Variants in FAM114A1 observed in about 807,000 individuals in gnomAD.
FAM114A1 encodes the protein protein NOXP20.
In FAM114A1, 62 loss-of-function variants were observed where a neutral mutation model predicts 64.3. The observed-to-expected ratio is 0.96, with a 90% CI of 0.79 to 1.19. FAM114A1 has a LOEUF of 1.19. FAM114A1 is among the 50% of genes most tolerant of loss of function. FAM114A1 has a pLI of 0.00. For missense variants in FAM114A1, 645 were observed against 676.3 expected (o/e 0.95, Z 0.51); for synonymous variants, 254 against 251.1 (o/e 1.01, Z -0.11).
At chr4:38,933,513 G>T (rs998348484) in intron 12 of FAM114A1, among the ~76,000 whole-genome samples, 1 of 152,166 alleles carries the variant, frequency 6.6e-6, no homozygotes, top group African/African-American at 2.4e-5. Flanking sequence ...GTGCATGTAT[G>T]TGTTGTCCTA....
At chr4:38,911,260 G>A (rs933598491) in intron 7 of FAM114A1, among the ~76,000 whole-genome samples, 1 of 152,206 alleles carries the variant, frequency 6.6e-6, no homozygotes, top group African/African-American at 2.4e-5. Flanking sequence ...ACTGCAGTGC[G>A]GCATGGGAAA....
rs16994955 is a variant in FAM114A1 at position 38,941,469 on chromosome 4, C to T, written c.1590+448C>T. Among the ~76,000 whole-genome samples the T allele has an allele frequency of 4.3e-3, 651 of 152,314 alleles. 3 individuals are homozygous for T. The highest frequency in any genetic ancestry group is 0.015 in the African/African-American group (635 of 41,564). ...TGACAAGGAGAATGTTTAGCCTATG[C>T]CCAGTCAATGACAAGGGACACCATC... is the stretch of plus-strand genomic sequence containing the variant. On this transcript the variant is annotated intron_variant, in intron 14 of 14. Transcript: ENST00000358869.
chr4:38,891,902 T>C, intron 4 of FAM114A1, 72 bp downstream of exon 4: 1 of 1,381,524 alleles, frequency 7.2e-7, no homozygotes, highest in South Asian at 1.4e-5. Context: ...TTGATCGTAC[T>C]GTATACTAAT....
chr4:38,902,770 G>T (rs1717633741), intron 4 of FAM114A1, among the ~76,000 whole-genome samples: 1 of 152,036 alleles, frequency 6.6e-6, no homozygotes, highest in African/African-American at 2.4e-5. Context: ...GTACCCTATA[G>T]TATTATTCAT....
intron 12 of FAM114A1, 81 bp downstream of exon 12, chr4:38,932,455 C>T (rs1720732915): frequency 4.6e-6 from 6 of 1,314,166 alleles, no homozygotes; most frequent in Admixed American, 3.0e-5. Context: ...CACACCCACA[C>T]CCTCTAAGCC....
Position 38,917,323 on chromosome 4 carries a change from G to A in FAM114A1, c.945+2250G>A, listed in dbSNP as rs527428037. Among the ~76,000 whole-genome samples the A allele has an allele frequency of 3.3e-5, 5 of 150,914 alleles. No homozygotes were observed. In the East Asian group the frequency reaches 9.8e-4, roughly 30 times the overall value. ...ACTGCGTTCTGGCCTGGGCGACAGAGCAAGACTCTGTCTCAAAAAAAAAAA... is the reference window on the plus strand; with the variant it reads ...ACTGCGTTCTGGCCTGGGCGACAGAACAAGACTCTGTCTCAAAAAAAAAAA... On this transcript the variant is annotated intron_variant, in intron 8 of 14. Transcript: ENST00000358869.
At chr4:38,919,441 G>A (rs893266502) in intron 8 of FAM114A1, among the ~76,000 whole-genome samples, 15 of 152,154 alleles carry the variant, frequency 9.9e-5, no homozygotes, top group East Asian at 1.9e-4. Flanking sequence ...TAGCTATCCC[G>A]TGGGCTGAGG....
Position 38,945,672 on chromosome 4 carries a change from A to G in FAM114A1, c.*2115A>G, listed in dbSNP as rs1371130459. 1.3e-5 allele frequency: 2 copies of G among 152,258 alleles called. No homozygotes were observed. The highest frequency in any genetic ancestry group is 2.4e-5 in the African/African-American group (1 of 41,468). The allele number at this position is 152,258 out of a possible 1,614,324, so 9.4% of individuals were successfully genotyped here. ...CTCCTGAAACATCCAAATAGAGAACATAAGAACACTTTATGTACAATCTGG... is the reference window on the plus strand; with the variant it reads ...CTCCTGAAACATCCAAATAGAGAACGTAAGAACACTTTATGTACAATCTGG... On this transcript the variant is annotated 3_prime_UTR_variant, in exon 15 of 15. Coordinates refer to ENST00000358869, the MANE Select transcript of FAM114A1 (RefSeq NM_138389.4).
At chr4:38,934,422 G>C (rs1001105939) in intron 12 of FAM114A1, among the ~76,000 whole-genome samples, 2 of 152,122 alleles carry the variant, frequency 1.3e-5, no homozygotes, top group African/African-American at 2.4e-5. Context: ...TGGGTGGATG[G>C]ATGGGTGGAT....
intron 9 of FAM114A1, among the ~76,000 whole-genome samples, chr4:38,925,583 A>T (rs1720028851): frequency 6.6e-6 from 1 of 152,226 alleles, no homozygotes; most frequent in African/African-American, 2.4e-5. Context: ...GTAATAAACT[A>T]TCATTTTTTA....
At chr4:38,924,491 C>T (rs1719921488) in intron 9 of FAM114A1, among the ~76,000 whole-genome samples, 1 of 152,114 alleles carries the variant, frequency 6.6e-6, no homozygotes, top group African/African-American at 2.4e-5. Flanking sequence ...ATGTTCAGGG[C>T]GAAATTATTC....
chr4:38,939,360 C>G (rs1276503782), intron 13 of FAM114A1, among the ~76,000 whole-genome samples: 1 of 152,166 alleles, frequency 6.6e-6, no homozygotes, highest in East Asian at 1.9e-4. Flanking sequence ...TTTCTGTTCT[C>G]TAAAGCAGCC....
At chr4:38,897,246 G>A (rs1327145889) in intron 4 of FAM114A1, among the ~76,000 whole-genome samples, 2 of 152,148 alleles carry the variant, frequency 1.3e-5, no homozygotes, top group Non-Finnish European at 2.9e-5. Flanking sequence ...ATGGAAAAAC[G>A]TGGGTGAAAA....
At chr4:38,886,555 C>T (rs922843372) in intron 3 of FAM114A1, among the ~76,000 whole-genome samples, 6 of 151,980 alleles carry the variant, frequency 3.9e-5, no homozygotes, top group Non-Finnish European at 8.8e-5. Flanking sequence ...TTGTTCATGT[C>T]GTGATTTTCA....
At position 38,905,637 on chromosome 4, in the gene FAM114A1, T is replaced by A; in HGVS notation, c.550+2T>A. 1 of 1,613,100 alleles carries A rather than the reference T, an allele frequency of 6.2e-7. No individual in the cohort carries two copies. Among genetic ancestry groups the A allele is most frequent in the Non-Finnish European group, 8.5e-7 (1 of 1,179,194 alleles). ...ATACTGAAAACGGAGTCCCTGAAAGTGAGTGATGTGTCTCCTCTGGGTGTT... is the reference window on the plus strand; with the variant it reads ...ATACTGAAAACGGAGTCCCTGAAAGAGAGTGATGTGTCTCCTCTGGGTGTT... On this transcript the variant is annotated splice_donor_variant, in intron 5 of 14. Transcript: ENST00000358869. LOFTEE classifies it high-confidence loss of function.
At chr4:38,908,751 T>C (rs1484316173) in intron 7 of FAM114A1, 25 bp downstream of exon 7, 1 of 1,519,294 alleles carries the variant, frequency 6.6e-7, no homozygotes, top group Non-Finnish European at 8.9e-7. Context: ...GTTTGCAATT[T>C]TTTCTTTCAG....
In FAM114A1 at chr4:38,893,304, G is replaced by C. The variant is rs1256023181; in HGVS notation, c.436+1474G>C. ...TAAAAGATTGTTTTAATTGGAATAA[G>C]TCATGAAAAAGTAAATAATATGGTC... On this transcript the variant is annotated intron_variant, in intron 4 of 14. Coordinates refer to ENST00000358869, the MANE Select transcript of FAM114A1 (RefSeq NM_138389.4). Among the ~76,000 whole-genome samples the C allele has an allele frequency of 2.0e-5, 3 of 152,336 alleles. No individual in the cohort carries two copies. The Middle Eastern group carries it at 0.01, about 518-fold the overall frequency.
At chr4:38,901,189 G>A (rs1448496473) in intron 4 of FAM114A1, among the ~76,000 whole-genome samples, 1 of 152,180 alleles carries the variant, frequency 6.6e-6, no homozygotes, top group African/African-American at 2.4e-5. Flanking sequence ...ATAGGAAGTA[G>A]CCATTGAGCT....
chr4:38,904,097 G>C (rs1365635604), intron 4 of FAM114A1, among the ~76,000 whole-genome samples: 1 of 152,144 alleles, frequency 6.6e-6, no homozygotes, highest in Admixed American at 6.6e-5. Context: ...AAATTCTGTT[G>C]GGACTTGGGA....
Sources: allele counts gnomAD v4.1 joint callset (sites outside exome capture counted in the v4.1 genomes callset), GRCh38; gene constraint gnomAD v4.1.1; transcripts MANE v1.5; gene names NCBI Gene and HGNC (gene_info 2026-07-23, HGNC 2026-07-21).